SWAP70: variants seen among roughly 807,000 people sequenced by gnomAD.
SWAP70 encodes switch-associated protein 70.
Under a neutral mutation model 80.2 loss-of-function variants are expected in SWAP70, and 34 were observed. The ratio of observed to expected loss-of-function variants is 0.42; its 90% CI spans 0.32 to 0.56. The LOEUF is 0.56. Ranked by LOEUF, SWAP70 falls within the 20% of genes least tolerant of loss-of-function variation. The probability of loss-of-function intolerance (pLI) is 0.09; values close to 1 mark genes in which losing one functional copy is unlikely to be tolerated. For synonymous variants in SWAP70, 239 were observed against 238.5 expected (o/e 1.00, Z -0.02); for missense variants, 578 against 690.7 (o/e 0.84, Z 1.83).
intron 2 of SWAP70, among the ~76,000 whole-genome samples, chr11:9,703,856 T>A (rs1446842333): frequency 1.3e-5 from 2 of 152,188 alleles, no homozygotes; most frequent in Non-Finnish European, 2.9e-5. Flanking sequence ...AATTCATGAT[T>A]TCATGTGAGT....
At chr11:9,725,657 C>G (rs1208783706) in intron 4 of SWAP70, among the ~76,000 whole-genome samples, 2 of 148,538 alleles carry the variant, frequency 1.3e-5, no homozygotes, top group African/African-American at 5.0e-5. Context: ...CTGCAACCTC[C>G]GCCTCCCGGG....
intron 1 of SWAP70, among the ~76,000 whole-genome samples, chr11:9,672,178 T>C (rs12575378): frequency 5.1e-5 from 6 of 116,982 alleles, no homozygotes; most frequent in Non-Finnish European, 8.2e-5. Flanking sequence ...AATATATATA[T>C]ACATATATGT....
Position 9,752,955 on chromosome 11 carries a change from C to G in SWAP70, c.*2985C>G, listed in dbSNP as rs1851610148. 6.6e-6 allele frequency: 1 copy of G among 152,050 alleles called. No homozygotes were observed. The highest frequency in any genetic ancestry group is 1.5e-5 in the Non-Finnish European group (1 of 68,032). The allele number at this position is 152,050 out of a possible 1,614,324, so 9.4% of individuals were successfully genotyped here. A position where few individuals can be genotyped will look rare whatever the true frequency, so the allele number is the denominator to read the frequency against. ...AAAATTAAAAATACCAGAACATACACTTTAAACTGTCTGATTTAATAAAAC... is the reference window on the plus strand; with the variant it reads ...AAAATTAAAAATACCAGAACATACAGTTTAAACTGTCTGATTTAATAAAAC... On this transcript the variant is annotated 3_prime_UTR_variant, in exon 12 of 12. Coordinates refer to ENST00000318950, the MANE Select transcript of SWAP70 (RefSeq NM_015055.4).
At chr11:9,725,569 A>ATATATAT (rs1554892086) in intron 4 of SWAP70, among the ~76,000 whole-genome samples, 5 of 26,616 alleles carry the variant, frequency 1.9e-4, no homozygotes, top group African/African-American at 3.1e-4. Context: ...ATATATATAT[A>ATATATAT]TTTTTTTTTT....
intron 1 of SWAP70, among the ~76,000 whole-genome samples, chr11:9,674,373 A>G (rs913491655): frequency 2.6e-5 from 4 of 152,192 alleles, no homozygotes; most frequent in Non-Finnish European, 4.4e-5. Flanking sequence ...AAACTTATCA[A>G]TAAAATCGAA....
intron 3 of SWAP70, among the ~76,000 whole-genome samples, chr11:9,721,954 TTC>T (rs1222314594): frequency 1.3e-5 from 2 of 152,266 alleles, no homozygotes; most frequent in Non-Finnish European, 2.9e-5. Context: ...AACCTACTGT[TTC>T]TGACAAATAG....
intron 6 of SWAP70, among the ~76,000 whole-genome samples, chr11:9,731,207 TAAAAAAAATCCTGA>T (rs1339690933): frequency 6.6e-6 from 1 of 152,082 alleles, no homozygotes; most frequent in Non-Finnish European, 1.5e-5. Context: ...GAGGGCTTTT[TAAAAAAAATCCTGA>T]AAGGAGATTC....
chr11:9,672,937 C>A (rs760469168), intron 1 of SWAP70, among the ~76,000 whole-genome samples: 1 of 152,148 alleles, frequency 6.6e-6, no homozygotes, highest in African/African-American at 2.4e-5. Flanking sequence ...AACACACAAA[C>A]TGTTTTTTTC....
chr11:9,690,490 T>C (rs1850684799), intron 1 of SWAP70, among the ~76,000 whole-genome samples: 1 of 152,024 alleles, frequency 6.6e-6, no homozygotes, highest in Non-Finnish European at 1.5e-5. Context: ...GGTGGAAAGA[T>C]TGCTTGAACT....
At position 9,670,479 on chromosome 11, in the gene SWAP70, T is replaced by G. The variant is rs576912023; in HGVS notation, c.99+6201T>G. 2.6e-5 allele frequency among the ~76,000 whole-genome samples: 4 copies of G among 152,168 alleles called. No homozygotes were observed. In the East Asian group the frequency reaches 7.7e-4, roughly 29 times the overall value. On this transcript the variant is annotated intron_variant, in intron 1 of 11. Transcript: ENST00000318950. ...TTATTTATTTTTTTGAGGTCCTTGATGGGTGTATGTTCAGCTGGAGATGAT... is the reference window on the plus strand; with the variant it reads ...TTATTTATTTTTTTGAGGTCCTTGAGGGGTGTATGTTCAGCTGGAGATGAT...
intron 4 of SWAP70, among the ~76,000 whole-genome samples, chr11:9,727,138 C>G (rs968444680): frequency 6.7e-6 from 1 of 149,552 alleles, no homozygotes; most frequent in Non-Finnish European, 1.5e-5. Flanking sequence ...CGCCTATAAT[C>G]CCAGCACTTT....
At chr11:9,725,501 T>C (rs1851199319) in intron 4 of SWAP70, among the ~76,000 whole-genome samples, 2 of 137,658 alleles carry the variant, frequency 1.5e-5, no homozygotes, top group African/African-American at 5.3e-5. Flanking sequence ...GGCCAGCATG[T>C]TGAAACCCTG....
intron 6 of SWAP70, 130 bp downstream of exon 6, chr11:9,729,581 C>A: frequency 1.5e-6 from 1 of 680,174 alleles, no homozygotes; most frequent in Non-Finnish European, 2.6e-6. Context: ...TTACTGCAAC[C>A]TCCACCTCCT....
At chr11:9,743,220 G>T (rs987699049) in intron 9 of SWAP70, among the ~76,000 whole-genome samples, 7 of 147,760 alleles carry the variant, frequency 4.7e-5, no homozygotes, top group Admixed American at 1.3e-4. Context: ...CCCTACAAAG[G>T]ACATGAACTC....
At chr11:9,680,511 G>C (rs991515471) in intron 1 of SWAP70, among the ~76,000 whole-genome samples, 1 of 152,048 alleles carries the variant, frequency 6.6e-6, no homozygotes, top group Non-Finnish European at 1.5e-5. Context: ...CGCCTCCTGG[G>C]TTCAAGTGAT....
chr11:9,729,277 T>G (rs781195633), intron 5 of SWAP70, 66 bp from the exon 6 acceptor site: 59 of 969,540 alleles, frequency 6.1e-5, no homozygotes, highest in Non-Finnish European at 6.6e-5. Flanking sequence ...TTTTTATAAA[T>G]AATTCAAATT....
chr11:9,680,702 A>T (rs1304727307), intron 1 of SWAP70, among the ~76,000 whole-genome samples: 1 of 152,170 alleles, frequency 6.6e-6, no homozygotes, highest in Non-Finnish European at 1.5e-5. Context: ...AGGCATTTTT[A>T]AAAATACCGA....
chr11:9,747,815 G>T (rs377611578), intron 9 of SWAP70, 43 bp from the exon 10 acceptor site: 24 of 1,599,070 alleles, frequency 1.5e-5, no homozygotes, highest in Non-Finnish European at 2.1e-5. Flanking sequence ...TCAGGGTGGT[G>T]ACCTGGGCAG....
chr11:9,688,676 A>C (rs1850660441), intron 1 of SWAP70, among the ~76,000 whole-genome samples: 1 of 152,116 alleles, frequency 6.6e-6, no homozygotes, highest in Non-Finnish European at 1.5e-5. Flanking sequence ...TGGTACTTGA[A>C]GATTTGGTGT....
Sources: gnomAD v4.1 joint callset for allele counts (sites outside exome capture counted in the v4.1 genomes callset) on GRCh38, gnomAD v4.1.1 for gene constraint, MANE v1.5 for transcripts, NCBI Gene and HGNC (gene_info 2026-07-23, HGNC 2026-07-21) for gene names.